The following WDR1 variants were observed in gnomAD, a reference collection of about 807,000 sequenced individuals.
WDR1 encodes the protein WD repeat-containing protein 1.
A neutral mutation model predicts 71.9 loss-of-function variants in WDR1; 21 were observed. That is an observed-to-expected ratio of 0.29 (90% CI 0.21 to 0.42). The LOEUF is 0.42. Among genes scored for constraint, WDR1 ranks in the 10% least tolerant of loss-of-function variants. The pLI, the probability that WDR1 is intolerant of heterozygous loss-of-function variation, is 1.00. For synonymous variants in WDR1, 424 were observed against 347.4 expected, an observed-to-expected ratio of 1.22 and a Z score of -2.45; for missense variants, 696 against 824.5, an observed-to-expected ratio of 0.84 and a Z score of 1.91.
intron 5 of WDR1, chr4:10,091,493 G>C (rs1488868155): frequency 1.3e-5 from 2 of 152,296 alleles, no homozygotes; most frequent in Non-Finnish European, 2.9e-5. Flanking sequence ...CACCAGGCCT[G>C]GAGCAGCGGG....
chr4:10,090,519 G>A (rs1023751770), intron 5 of WDR1, among the ~76,000 whole-genome samples: 2 of 152,156 alleles, frequency 1.3e-5, no homozygotes, highest in African/African-American at 2.4e-5. Context: ...AGAGTGATGC[G>A]ACCCCAGACC....
Position 10,099,231 on chromosome 4 carries a change from G to A in WDR1, c.230-92C>T, listed in dbSNP as rs373312928. The A allele has an allele frequency of 3.9e-4, 434 of 1,102,660 alleles. 10 individuals carry two copies. In the East Asian group the frequency reaches 9.5e-3, roughly 24 times the overall value. The allele number at this position is 1,102,660 out of a possible 1,614,324, so 68.3% of individuals were successfully genotyped here. A position where few individuals can be genotyped will look rare whatever the true frequency, so the allele number is the denominator to read the frequency against. On this transcript the variant is annotated intron_variant, in intron 3 of 14. Transcript: ENST00000499869. ...CAGGTCACTGCCGGGCCAGGGCCACGTGGCCATAGGCCCACTCAGAACCAT... is the reference window on the plus strand; with the variant it reads ...CAGGTCACTGCCGGGCCAGGGCCACATGGCCATAGGCCCACTCAGAACCAT...
Position 10,090,113 on chromosome 4 carries a change from G to A in WDR1, c.559-1372C>T, listed in dbSNP as rs538163652. ...GCTGTCAGTATCTGGGAAAGACAAGGAAGGACTCGGAGTGCGTCCCTGCCC... is the reference window on the plus strand; with the variant it reads ...GCTGTCAGTATCTGGGAAAGACAAGAAAGGACTCGGAGTGCGTCCCTGCCC... On this transcript the variant is annotated intron_variant, in intron 5 of 14. Coordinates refer to ENST00000499869, the MANE Select transcript of WDR1 (RefSeq NM_017491.5). Among the ~76,000 whole-genome samples, 4 of 152,278 alleles carry A rather than the reference G, an allele frequency of 2.6e-5. No homozygotes were observed. The East Asian group carries it at 7.7e-4, about 29-fold the overall frequency.
intron 8 of WDR1, among the ~76,000 whole-genome samples, chr4:10,086,625 A>G (rs948642526): frequency 3.3e-5 from 5 of 152,190 alleles, no homozygotes; most frequent in African/African-American, 7.2e-5. Context: ...GCTGGCCCAC[A>G]CTAGCCCTGC....
In WDR1 at chr4:10,113,830, C is replaced by CA. The variant is rs751827919; in HGVS notation, c.138+2282_138+2283insT. Among the ~76,000 whole-genome samples the CA allele has an allele frequency of 7.0e-4, 106 of 152,324 alleles. 2 individuals carry two copies. In the Middle Eastern group the frequency reaches 0.027, roughly 39 times the overall value. Reference sequence around the variant, plus strand: ...TGAAACAGGAGTCCAAGGTTTGGGGCCTGAACAGCTGGAGGAACGGTGTTC... The same window carrying CA: ...TGAAACAGGAGTCCAAGGTTTGGGGCACTGAACAGCTGGAGGAACGGTGTTC... On this transcript the variant is annotated intron_variant, in intron 2 of 14. Transcript: ENST00000499869.
intron 9 of WDR1, 139 bp from the exon 10 acceptor site, chr4:10,083,317 C>G (rs531825948): frequency 2.1e-4 from 236 of 1,103,840 alleles, no homozygotes; most frequent in Non-Finnish European, 2.9e-4. Context: ...CCTGGGAAGC[C>G]TGCAGTGTCC....
intron 2 of WDR1, among the ~76,000 whole-genome samples, chr4:10,109,185 G>C (rs1328979141): frequency 1.3e-5 from 2 of 152,274 alleles, no homozygotes; most frequent in Admixed American, 6.5e-5. Context: ...AACCAAGGCA[G>C]ACACTGGGCG....
At chr4:10,115,502 G>A (rs1369421834) in intron 2 of WDR1, among the ~76,000 whole-genome samples, 1 of 152,200 alleles carries the variant, frequency 6.6e-6, no homozygotes, top group Non-Finnish European at 1.5e-5. Context: ...CTGCCATACT[G>A]GAAGACCAGG....
At chr4:10,090,325 T>C (rs79155146) in intron 5 of WDR1, among the ~76,000 whole-genome samples, 423 of 152,220 alleles carry the variant, frequency 2.8e-3, no homozygotes, top group African/African-American at 9.6e-3. Flanking sequence ...TGAGGAAACA[T>C]AGGCCCAGAA....
intron 2 of WDR1, among the ~76,000 whole-genome samples, chr4:10,113,874 C>T (rs557039432): frequency 1.3e-5 from 2 of 152,294 alleles, no homozygotes; most frequent in South Asian, 4.1e-4. Flanking sequence ...GGGAAGAGCA[C>T]GTGGGAAACA....
intron 2 of WDR1, among the ~76,000 whole-genome samples, chr4:10,104,273 A>C (rs1712891158): frequency 6.6e-6 from 1 of 152,214 alleles, no homozygotes; most frequent in Non-Finnish European, 1.5e-5. Flanking sequence ...ATAATACAGA[A>C]CAAATATATC....
intron 5 of WDR1, among the ~76,000 whole-genome samples, chr4:10,097,166 C>A (rs1236013742): frequency 6.6e-6 from 1 of 152,276 alleles, no homozygotes; most frequent in Non-Finnish European, 1.5e-5. Context: ...GGGGCGCATG[C>A]ACGGCATGGG....
chr4:10,103,511 G>A (rs1448160757), intron 3 of WDR1, among the ~76,000 whole-genome samples: 1 of 152,080 alleles, frequency 6.6e-6, no homozygotes, highest in Non-Finnish European at 1.5e-5. Context: ...TACACCAGGG[G>A]TGTTCAATCT....
In WDR1 at chr4:10,081,669, G is replaced by C. The variant is rs1304848457; in HGVS notation, c.1197-225C>G. On this transcript the variant is annotated intron_variant, in intron 10 of 14. Coordinates refer to ENST00000499869, the MANE Select transcript of WDR1 (RefSeq NM_017491.5). ...ATGGGGGCCCGGGGAGGGGTGGGGG[G>C]GGGGGAAGGAGGGGCGGGAGGCGGT... 2.7e-3 allele frequency among the ~76,000 whole-genome samples: 367 copies of C among 135,546 alleles called. 6 individuals carry two copies. The highest frequency in any genetic ancestry group is 9.4e-3 in the African/African-American group (352 of 37,596). 88.9% of individuals were successfully genotyped at this position (135,546 alleles called of 152,430 possible).
chr4:10,089,306 C>A (rs3775932), intron 5 of WDR1, among the ~76,000 whole-genome samples: 72,316 of 151,962 alleles, frequency 0.48, 17,557 homozygotes, highest in East Asian at 0.63. Context: ...ATGGGGTTTC[C>A]CTTTGTTAGC....
At chr4:10,085,010 G>C (rs1248746361) in intron 8 of WDR1, among the ~76,000 whole-genome samples, 2 of 152,214 alleles carry the variant, frequency 1.3e-5, no homozygotes, top group South Asian at 2.1e-4. Context: ...CTGAGGGCAG[G>C]GGTCTCTCTG....
At chr4:10,111,422 C>T (rs886088808) in intron 2 of WDR1, among the ~76,000 whole-genome samples, 1 of 152,212 alleles carries the variant, frequency 6.6e-6, no homozygotes, top group Non-Finnish European at 1.5e-5. Flanking sequence ...CTTCCCCTGC[C>T]ATCAGGTGGT....
At chr4:10,111,998 T>C (rs1270978886) in intron 2 of WDR1, among the ~76,000 whole-genome samples, 1 of 152,168 alleles carries the variant, frequency 6.6e-6, no homozygotes, top group Non-Finnish European at 1.5e-5. Flanking sequence ...CTTGCCTGCA[T>C]AGCAAATCTG....
chr4:10,106,887 C>G (rs560877166), intron 2 of WDR1, among the ~76,000 whole-genome samples: 1 of 152,296 alleles, frequency 6.6e-6, no homozygotes, highest in East Asian at 1.9e-4. Flanking sequence ...CTCACACCCC[C>G]ACGTGTCACT....
Sources: gnomAD v4.1 joint callset for allele counts (sites outside exome capture counted in the v4.1 genomes callset) on GRCh38, gnomAD v4.1.1 for gene constraint, MANE v1.5 for transcripts, NCBI Gene and HGNC (gene_info 2026-07-23, HGNC 2026-07-21) for gene names.